SNRPN: variants seen among roughly 807,000 people sequenced by gnomAD.
SNRPN encodes the protein small nuclear ribonucleoprotein polypeptide N.
Under a neutral mutation model 25.2 loss-of-function variants are expected in SNRPN, and 7 were observed. The ratio of observed to expected loss-of-function variants is 0.28; its 90% CI spans 0.16 to 0.52. SNRPN has a LOEUF of 0.52. SNRPN is among the 20% of genes least tolerant of loss of function. The pLI is 0.96. For missense variants in SNRPN, 196 were observed against 322.5 expected (o/e 0.61, Z 3.00); for synonymous variants, 124 against 110.6 (o/e 1.12, Z -0.76).
intron 2 of SNRPN, among the ~76,000 whole-genome samples, chr15:24,895,349 G>T (rs1254489143): frequency 6.6e-6 from 1 of 151,348 alleles, no homozygotes; most frequent in Non-Finnish European, 1.5e-5. Flanking sequence ...CATATTTTGG[G>T]TTGGCATGTC....
intron 2 of SNRPN, chr15:24,908,790 C>T: frequency 2.2e-6 from 1 of 447,816 alleles, no homozygotes; most frequent in Non-Finnish European, 3.9e-6. Flanking sequence ...TATATCTAAA[C>T]TTTAACTAGG....
At chr15:24,953,594 T>C (rs2153229455), upstream of SNRPN, among the ~76,000 whole-genome samples, 1 of 152,360 alleles carries the variant, frequency 6.6e-6, no homozygotes, top group Admixed American at 6.5e-5. Flanking sequence ...GTGCTGGGAA[T>C]ACAGGCGTAA....
At chr15:24,887,375 T>C (rs1480210365) in intron 2 of SNRPN, among the ~76,000 whole-genome samples, 1 of 152,070 alleles carries the variant, frequency 6.6e-6, no homozygotes, top group African/African-American at 2.4e-5. Flanking sequence ...CTCAAACTCC[T>C]GACCTCAGGT....
chr15:24,956,118 G>A (rs1303707592), intron 1 of SNRPN, among the ~76,000 whole-genome samples: 2 of 152,154 alleles, frequency 1.3e-5, no homozygotes, highest in Non-Finnish European at 2.9e-5. Flanking sequence ...TCGCTTTAGA[G>A]GCTATGGCAT....
intron 1 of SNRPN, among the ~76,000 whole-genome samples, chr15:24,876,967 T>C (rs1285268323): frequency 6.6e-6 from 1 of 152,216 alleles, no homozygotes; most frequent in Non-Finnish European, 1.5e-5. Context: ...GTTGGTATTT[T>C]ATAATTTTCT....
chr15:24,826,426 C>T (rs570451562), intron 1 of SNRPN, among the ~76,000 whole-genome samples: 1 of 152,262 alleles, frequency 6.6e-6, no homozygotes, highest in African/African-American at 2.4e-5. Context: ...TATCACTGTG[C>T]TCATTGCCTG....
At chr15:24,878,425 C>T (rs993372452) in intron 1 of SNRPN, among the ~76,000 whole-genome samples, 8 of 152,230 alleles carry the variant, frequency 5.3e-5, no homozygotes, top group African/African-American at 1.9e-4. Flanking sequence ...CTTCGGCGCG[C>T]CTGCACAGCG....
At chr15:24,976,052 A>G (rs1452528248) in intron 5 of SNRPN, among the ~76,000 whole-genome samples, 1 of 152,256 alleles carries the variant, frequency 6.6e-6, no homozygotes, top group Non-Finnish European at 1.5e-5. Context: ...ATTTCACAAA[A>G]GAAATTAGTC....
At chr15:24,880,319 G>A (rs1352014192) in intron 1 of SNRPN, among the ~76,000 whole-genome samples, 8 of 152,128 alleles carry the variant, frequency 5.3e-5, no homozygotes, top group Non-Finnish European at 1.0e-4. Flanking sequence ...GGGATGGGAG[G>A]AAAGGGGGAT....
intron 1 of SNRPN, among the ~76,000 whole-genome samples, chr15:24,872,896 A>G (rs1314462410): frequency 9.7e-6 from 1 of 102,744 alleles, no homozygotes; most frequent in African/African-American, 3.5e-5. Flanking sequence ...AAAAAAAAAA[A>G]TAGTTTTCCT....
At chr15:24,942,490 G>C (rs2061613470) in intron 3 of SNRPN, 1 of 152,180 alleles carries the variant, frequency 6.6e-6, no homozygotes, top group Non-Finnish European at 1.5e-5. Flanking sequence ...CATGAGCATG[G>C]GCCCATTGCT....
chr15:24,855,643 T>G (rs991887620), upstream of SNRPN, among the ~76,000 whole-genome samples: 7 of 151,722 alleles, frequency 4.6e-5, no homozygotes, highest in East Asian at 1.2e-3. Context: ...TACAAAAAAA[T>G]TATCCAGGCA....
At chr15:24,907,780 C>A (rs188005391) in intron 2 of SNRPN, among the ~76,000 whole-genome samples, 2 of 151,864 alleles carry the variant, frequency 1.3e-5, no homozygotes, top group African/African-American at 4.8e-5. Flanking sequence ...GTAGGCCAGG[C>A]GCGGTGGCTC....
chr15:24,907,977 C>T (rs1168700857), intron 2 of SNRPN, among the ~76,000 whole-genome samples: 9 of 143,440 alleles, frequency 6.3e-5, no homozygotes, highest in African/African-American at 1.0e-4. Context: ...CACTTGAACC[C>T]GGGAGGTGGA....
intron 3 of SNRPN, among the ~76,000 whole-genome samples, chr15:24,935,164 C>T (rs934971660): frequency 1.7e-4 from 26 of 151,764 alleles, no homozygotes; most frequent in Non-Finnish European, 2.5e-4. Flanking sequence ...CCCAGCTACT[C>T]GTGAGGCTGA....
chr15:24,884,727 A>C (rs7178636), intron 1 of SNRPN, among the ~76,000 whole-genome samples: 1 of 151,934 alleles, frequency 6.6e-6, no homozygotes, highest in Non-Finnish European at 1.5e-5. Flanking sequence ...TCTTATTTTG[A>C]TATGAGAAAC....
intron 2 of SNRPN, among the ~76,000 whole-genome samples, chr15:24,914,500 C>T (rs1346375636): frequency 3.3e-5 from 5 of 151,988 alleles, no homozygotes; most frequent in African/African-American, 9.7e-5. Context: ...GGGTTTGAGA[C>T]CAGTCTGGGC....
intron 3 of SNRPN, among the ~76,000 whole-genome samples, chr15:24,970,520 A>G (rs1425081001): frequency 6.6e-6 from 1 of 152,196 alleles, no homozygotes; most frequent in African/African-American, 2.4e-5. Context: ...CAGAGGTTGC[A>G]TTGAGCAGAG....
At chr15:24,883,176 C>G (rs766904215) in intron 1 of SNRPN, among the ~76,000 whole-genome samples, 8 of 152,322 alleles carry the variant, frequency 5.3e-5, no homozygotes, top group Non-Finnish European at 1.2e-4. Context: ...TCTGGACAGT[C>G]AAGAAGGAAG....
Sources: gnomAD v4.1 joint callset for allele counts (sites outside exome capture counted in the v4.1 genomes callset) on GRCh38, gnomAD v4.1.1 for gene constraint, MANE v1.5 for transcripts, NCBI Gene and HGNC (gene_info 2026-07-23, HGNC 2026-07-21) for gene names.